VEPH1: variants seen among roughly 807,000 people sequenced by gnomAD.
VEPH1 encodes the protein ventricular zone-expressed PH domain-containing protein homolog 1.
Under a neutral mutation model 85.2 loss-of-function variants are expected in VEPH1, and 80 were observed. The observed-to-expected ratio is 0.94, with a 90% CI of 0.78 to 1.13. VEPH1 has a LOEUF of 1.13. Ranked by LOEUF, VEPH1 falls within the 50% of genes most tolerant of loss-of-function variation. The pLI, the probability that VEPH1 is intolerant of heterozygous loss-of-function variation, is 0.00. For synonymous variants in VEPH1, 297 were observed against 348.0 expected, an observed-to-expected ratio of 0.85 and a Z score of 1.63; for missense variants, 955 against 980.5, an observed-to-expected ratio of 0.97 and a Z score of 0.35.
chr3:157,475,083 G>A (rs1007426352), intron 2 of VEPH1, among the ~76,000 whole-genome samples: 1 of 151,394 alleles, frequency 6.6e-6, no homozygotes, highest in African/African-American at 2.4e-5. Flanking sequence ...GGGCTCAAGG[G>A]TTCCTCCTAT....
At chr3:157,340,109 G>A (rs927390634) in intron 9 of VEPH1, among the ~76,000 whole-genome samples, 3 of 152,180 alleles carry the variant, frequency 2.0e-5, no homozygotes, top group African/African-American at 7.2e-5. Flanking sequence ...CGCAGAAGAC[G>A]GGTGATTTCT....
At chr3:157,443,108 A>G (rs557157780) in intron 4 of VEPH1, 25 of 1,129,190 alleles carry the variant, frequency 2.2e-5, no homozygotes, top group Non-Finnish European at 3.0e-5. Context: ...GTTGAGACCA[A>G]TCTTTATTTG....
At chr3:157,389,701 G>A (rs35391186) in intron 6 of VEPH1, among the ~76,000 whole-genome samples, 6,740 of 151,352 alleles carry the variant, frequency 0.045, 231 homozygotes, top group South Asian at 0.16. Flanking sequence ...ATAGAAATGC[G>A]TACATAGATG....
At chr3:157,265,455 CA>C (rs1351859305) in intron 13 of VEPH1, 70 bp downstream of exon 13, 2 of 1,515,392 alleles carry the variant, frequency 1.3e-6, no homozygotes, top group East Asian at 2.3e-5. Context: ...AAACCCAAGA[CA>C]AAACGTTTAG....
chr3:157,409,315 T>C (rs974046354), intron 6 of VEPH1, among the ~76,000 whole-genome samples: 1 of 152,146 alleles, frequency 6.6e-6, no homozygotes. Context: ...ATTTATGAAT[T>C]TACTTCAACT....
At chr3:157,352,542 GAAC>G (rs1187492403) in intron 9 of VEPH1, among the ~76,000 whole-genome samples, 2 of 152,138 alleles carry the variant, frequency 1.3e-5, no homozygotes, top group East Asian at 3.8e-4. Context: ...TCACAACTAT[GAAC>G]AATCTGGCTT....
Position 157,261,341 on chromosome 3 carries a change from T to A in VEPH1, c.2295A>T (p.Glu765Asp). The change falls in exon 14 of 14, where the codon GAA becomes GAT. Residue 765 changes from glutamate to aspartate, a missense_variant. By Grantham distance (45) the Glu-to-Asp change is conservative. Transcript: ENST00000362010. ...CCTTCACACTCTGTACTTTGCTGAG[T>A]TCTATTGGGCAGTCGTCAGGGTCAT... ...SKDDPDDCPI[E>D]LSKVQSVKAV... The A allele has an allele frequency of 6.2e-7, 1 of 1,613,534 alleles. No homozygotes were observed. The highest frequency in any genetic ancestry group is 8.5e-7 in the Non-Finnish European group (1 of 1,179,674).
At chr3:157,379,355 C>A (rs887966260) in intron 7 of VEPH1, among the ~76,000 whole-genome samples, 1 of 152,058 alleles carries the variant, frequency 6.6e-6, no homozygotes, top group Non-Finnish European at 1.5e-5. Flanking sequence ...AATTTTCGTT[C>A]ATTCTGTGCA....
chr3:157,317,785 G>A (rs572052178), intron 9 of VEPH1, among the ~76,000 whole-genome samples: 2 of 152,212 alleles, frequency 1.3e-5, no homozygotes, highest in Admixed American at 1.3e-4. Flanking sequence ...TGGTGTAGAG[G>A]TGGTGAGGCA....
intron 6 of VEPH1, among the ~76,000 whole-genome samples, chr3:157,390,217 A>G (rs1577539315): frequency 6.6e-6 from 1 of 152,234 alleles, no homozygotes; most frequent in African/African-American, 2.4e-5. Flanking sequence ...AGACAAAAAA[A>G]GTTTGAACAA....
intron 9 of VEPH1, among the ~76,000 whole-genome samples, chr3:157,344,012 T>C (rs1275264020): frequency 6.6e-6 from 1 of 152,202 alleles, no homozygotes; most frequent in Non-Finnish European, 1.5e-5. Context: ...AAATTAGGTA[T>C]TGATGGGACG....
chr3:157,354,339 C>T (rs186886647), intron 9 of VEPH1, among the ~76,000 whole-genome samples: 204 of 152,278 alleles, frequency 1.3e-3, no homozygotes, highest in African/African-American at 4.7e-3. Context: ...ACACATTCTT[C>T]CTCTAGTCTT....
At chr3:157,397,583 T>G (rs748997525) in intron 6 of VEPH1, among the ~76,000 whole-genome samples, 1 of 152,202 alleles carries the variant, frequency 6.6e-6, no homozygotes, top group Non-Finnish European at 1.5e-5. Flanking sequence ...GTTTGTGTCC[T>G]CTCTGATTTC....
At chr3:157,264,721 T>C (rs1713383322) in intron 13 of VEPH1, among the ~76,000 whole-genome samples, 1 of 152,142 alleles carries the variant, frequency 6.6e-6, no homozygotes. Flanking sequence ...GTTTTGAGGA[T>C]TGTTTGAGGC....
intron 4 of VEPH1, chr3:157,442,258 C>T: frequency 1.9e-6 from 2 of 1,045,974 alleles, no homozygotes; most frequent in African/African-American, 3.2e-5. Context: ...TTTCACATAG[C>T]TTTCAATTGT....
chr3:157,473,642 CA>C (rs1397718716), intron 2 of VEPH1, among the ~76,000 whole-genome samples: 5 of 151,846 alleles, frequency 3.3e-5, no homozygotes, highest in Non-Finnish European at 5.9e-5. Flanking sequence ...GAAAAACAAA[CA>C]AAAAAATACA....
chr3:157,275,097 G>A (rs1460760132), intron 12 of VEPH1, among the ~76,000 whole-genome samples: 2 of 152,282 alleles, frequency 1.3e-5, no homozygotes, highest in East Asian at 3.9e-4. Flanking sequence ...TCCAGACTCA[G>A]AAATTACTCA....
chr3:157,307,747 T>A (rs1449159756), intron 11 of VEPH1, among the ~76,000 whole-genome samples: 1 of 151,900 alleles, frequency 6.6e-6, no homozygotes, highest in East Asian at 1.9e-4. Context: ...TCTGTTGTCA[T>A]TAGGATTGGT....
chr3:157,334,070 T>C (rs548473929), intron 9 of VEPH1, among the ~76,000 whole-genome samples: 30 of 152,298 alleles, frequency 2.0e-4, no homozygotes, highest in Admixed American at 1.3e-3. Flanking sequence ...ACATAGTGTA[T>C]ATCAACTCCA....
Sources: gnomAD v4.1 joint callset for allele counts (sites outside exome capture counted in the v4.1 genomes callset) on GRCh38, gnomAD v4.1.1 for gene constraint, MANE v1.5 for transcripts, NCBI Gene and HGNC (gene_info 2026-07-23, HGNC 2026-07-21) for gene names.